Variants in DNAAF6 observed in about 807,000 individuals in gnomAD.
The protein encoded by DNAAF6 is dynein axonemal assembly factor 6.
A neutral mutation model predicts 13.7 loss-of-function variants in DNAAF6; 3 were observed. That is an observed-to-expected ratio of 0.22 (90% CI 0.10 to 0.56). The LOEUF (loss-of-function observed/expected upper bound fraction) is 0.56, where lower values mean the gene tolerates loss of function less well. Among genes scored for constraint, DNAAF6 ranks in the 20% least tolerant of loss-of-function variants. The pLI is 0.92. For synonymous variants in DNAAF6, 54 were observed against 49.2 expected, an observed-to-expected ratio of 1.10 and a Z score of -0.41; for missense variants, 130 against 151.0, an observed-to-expected ratio of 0.86 and a Z score of 0.73.
In DNAAF6 at chrX:107,225,459, G is replaced by A. The variant is rs188625504; in HGVS notation, c.429+2618G>A. On this transcript the variant is annotated intron_variant, in intron 5 of 6. Coordinates refer to ENST00000372453, the MANE Select transcript of DNAAF6 (RefSeq NM_173494.2). ...GCCATATTATACCACCATTGATTGT[G>A]CAGTTCGTCTCAATATCATAAACAT... is the stretch of plus-strand genomic sequence containing the variant. Among the ~76,000 whole-genome samples, 156 of 111,220 alleles carry A rather than the reference G, an allele frequency of 1.4e-3. 1 individual carries two copies. Among genetic ancestry groups the A allele is most frequent in the African/African-American group, 4.9e-3 (149 of 30,675 alleles).
At chrX:107,241,903 C>A (rs988343446) in intron 6 of DNAAF6, among the ~76,000 whole-genome samples, 4 of 112,016 alleles carry the variant, frequency 3.6e-5, no homozygotes, top group Non-Finnish European at 7.5e-5. Flanking sequence ...TTATAGTTGT[C>A]TTTTAGTGCA....
intron 2 of DNAAF6, 104 bp downstream of exon 2, chrX:107,213,132 T>A: frequency 1.2e-6 from 1 of 802,608 alleles, no homozygotes; most frequent in Non-Finnish European, 1.7e-6. Flanking sequence ...AGCTGTGTCA[T>A]TTGATACATT....
intron 5 of DNAAF6, among the ~76,000 whole-genome samples, chrX:107,236,264 TA>T (rs1456848213): frequency 8.9e-6 from 1 of 112,615 alleles, no homozygotes; most frequent in Non-Finnish European, 1.9e-5. Flanking sequence ...GTTTACCTGT[TA>T]AAATAACTTA....
intron 5 of DNAAF6, among the ~76,000 whole-genome samples, chrX:107,223,434 T>C (rs750069706): frequency 8.9e-6 from 1 of 111,827 alleles, no homozygotes; most frequent in South Asian, 3.7e-4. Context: ...ACTGTTTCTG[T>C]ATAACAGTTG....
chrX:107,212,452 A>G (rs1927877352), intron 1 of DNAAF6, among the ~76,000 whole-genome samples: 1 of 111,238 alleles, frequency 9.0e-6, no homozygotes, highest in Non-Finnish European at 1.9e-5. Flanking sequence ...CATGACTTCA[A>G]CCTTTCTGCC....
At chrX:107,217,458 C>G (rs1928020488) in intron 3 of DNAAF6, among the ~76,000 whole-genome samples, 1 of 111,385 alleles carries the variant, frequency 9.0e-6, no homozygotes, top group Non-Finnish European at 1.9e-5. Flanking sequence ...TCTGATTGAG[C>G]TAATAGACTT....
intron 5 of DNAAF6, among the ~76,000 whole-genome samples, chrX:107,234,420 AT>A (rs1236436794): frequency 8.9e-6 from 1 of 112,080 alleles, no homozygotes; most frequent in Non-Finnish European, 1.9e-5. Flanking sequence ...GTGGAAAAAA[AT>A]ATCTTATACA....
At chrX:107,218,807 G>A (rs1379760699) in intron 3 of DNAAF6, 57 bp from the exon 4 acceptor site, 10 of 1,097,218 alleles carry the variant, frequency 9.1e-6, no homozygotes, top group Non-Finnish European at 1.2e-5. Flanking sequence ...AAGAACAGGA[G>A]CAATTTAGAG....
At chrX:107,210,348 G>A (rs1417114578) in intron 1 of DNAAF6, among the ~76,000 whole-genome samples, 3 of 111,813 alleles carry the variant, frequency 2.7e-5, no homozygotes, top group Non-Finnish European at 5.6e-5. Flanking sequence ...TTAAGTGACA[G>A]TGCCAGATTC....
At chrX:107,215,505 C>T (rs748670975) in intron 2 of DNAAF6, among the ~76,000 whole-genome samples, 1 of 111,926 alleles carries the variant, frequency 8.9e-6, no homozygotes, top group Non-Finnish European at 1.9e-5. Flanking sequence ...ATAAAAATGC[C>T]TGTAATGCCT....
At chrX:107,240,357 A>G (rs1204279291) in intron 6 of DNAAF6, among the ~76,000 whole-genome samples, 5 of 111,941 alleles carry the variant, frequency 4.5e-5, no homozygotes, top group Non-Finnish European at 7.5e-5. Context: ...GGATTTTATC[A>G]TGTTTCCTAA....
At chrX:107,231,900 C>T (rs1199991528) in intron 5 of DNAAF6, among the ~76,000 whole-genome samples, 2 of 111,197 alleles carry the variant, frequency 1.8e-5, no homozygotes, top group East Asian at 5.6e-4. Flanking sequence ...CTCTGTTGCC[C>T]AGGCTAGGGT....
intron 5 of DNAAF6, among the ~76,000 whole-genome samples, chrX:107,234,682 AC>A (rs1928478120): frequency 9.0e-6 from 1 of 111,556 alleles, no homozygotes. Context: ...GTCAGTCCAA[AC>A]CCTCCAGTGA....
intron 1 of DNAAF6, 27 bp from the exon 2 acceptor site, chrX:107,212,846 C>T (rs1927888176): frequency 8.7e-7 from 1 of 1,144,602 alleles, no homozygotes; most frequent in Non-Finnish European, 1.2e-6. Flanking sequence ...AAGTAAAATA[C>T]CTCTTTCTGA....
chrX:107,241,044 T>C (rs1169696756), intron 6 of DNAAF6, among the ~76,000 whole-genome samples: 2 of 112,069 alleles, frequency 1.8e-5, no homozygotes, highest in Non-Finnish European at 3.8e-5. Flanking sequence ...TTCTGCACTT[T>C]CTTTGAAAAT....
At chrX:107,214,403 G>A (rs970569469) in intron 2 of DNAAF6, among the ~76,000 whole-genome samples, 1 of 111,571 alleles carries the variant, frequency 9.0e-6, no homozygotes, top group Admixed American at 9.6e-5. Context: ...ATATAGTGAA[G>A]TGGAACTTGT....
rs1928674475 is a variant in DNAAF6, at chrX:107,243,818, G to A, written c.*520G>A. 1 of 112,738 alleles carries A rather than the reference G, an allele frequency of 8.9e-6. No individual in the cohort carries two copies. The highest frequency in any genetic ancestry group is 3.6e-4 in the South Asian group (1 of 2,742). 9.3% of individuals were successfully genotyped at this position (112,738 alleles called of 1,213,427 possible). ...TTGAAATATGATCATGAAATGGTTG[G>A]TCCACTTACTTCAGTAGTCTGAAAA... On this transcript the variant is annotated 3_prime_UTR_variant, in exon 7 of 7. Coordinates refer to ENST00000372453, the MANE Select transcript of DNAAF6 (RefSeq NM_173494.2).
In DNAAF6 at chrX:107,235,851, G is replaced by T. The variant is rs187874874; in HGVS notation, c.430-3071G>T. ...TAAACAATAAATAATAAGTGGCTGG[G>T]CATGGTGGCTTACACTTGTAATCCC... On this transcript the variant is annotated intron_variant, in intron 5 of 6. Coordinates refer to ENST00000372453, the MANE Select transcript of DNAAF6 (RefSeq NM_173494.2). Among the ~76,000 whole-genome samples the T allele has an allele frequency of 1.1e-4, 12 of 111,648 alleles. No homozygotes were observed. The East Asian group carries it at 3.4e-3, about 31-fold the overall frequency.
chrX:107,225,056 C>T lies in DNAAF6; in HGVS notation c.429+2215C>T, dbSNP rs765909387. Among the ~76,000 whole-genome samples, 9 of 107,591 alleles carry T rather than the reference C, an allele frequency of 8.4e-5. No individual in the cohort carries two copies. The South Asian group carries it at 1.7e-3, about 20-fold the overall frequency. 93.4% of individuals were successfully genotyped at this position (107,591 alleles called of 115,157 possible). The stretch of plus-strand genomic sequence containing the variant: ...GGCATTCCAAGCAGAAGTAAGAGCA[C>T]GTGGAAAGGTATCCAGGCATGAAAT... On this transcript the variant is annotated intron_variant, in intron 5 of 6. Transcript: ENST00000372453.
Sources: gnomAD v4.1 joint callset for allele counts (sites outside exome capture counted in the v4.1 genomes callset) on GRCh38, gnomAD v4.1.1 for gene constraint, MANE v1.5 for transcripts, NCBI Gene and HGNC (gene_info 2026-07-23, HGNC 2026-07-21) for gene names.